The following PIK3C2G variants were observed in gnomAD, a reference collection of about 807,000 sequenced individuals.
The protein encoded by PIK3C2G is phosphatidylinositol 3-kinase C2 domain-containing subunit gamma.
In PIK3C2G, 168 loss-of-function variants were observed where a neutral mutation model predicts 181.1. The ratio of observed to expected loss-of-function variants is 0.93; its 90% CI spans 0.82 to 1.05. PIK3C2G has a LOEUF of 1.05. PIK3C2G is among the 50% of genes least tolerant of loss of function. The pLI is 0.00. For synonymous variants in PIK3C2G, 573 were observed against 592.2 expected, an observed-to-expected ratio of 0.97 and a Z score of 0.47; for missense variants, 1,869 against 1,732.8, an observed-to-expected ratio of 1.08 and a Z score of -1.40.
the PIK3C2G span, among the ~76,000 whole-genome samples, chr12:18,697,270 T>A: frequency 6.6e-6 from 1 of 152,122 alleles, no homozygotes; most frequent in Non-Finnish European, 1.5e-5. Flanking sequence ...GGAAGCATTG[T>A]CAAATTAAAA....
intron 18 of PIK3C2G, among the ~76,000 whole-genome samples, chr12:18,444,280 C>T (rs4764406): frequency 0.26 from 39,912 of 151,976 alleles, 5,803 homozygotes; most frequent in African/African-American, 0.36. Flanking sequence ...GAAGTCTCAC[C>T]TGAACAACTC....
intron 24 of PIK3C2G, among the ~76,000 whole-genome samples, chr12:18,508,603 G>C (rs1174865647): frequency 6.6e-6 from 1 of 152,138 alleles, no homozygotes; most frequent in Admixed American, 6.6e-5. Flanking sequence ...CCCACACCTA[G>C]TTTCTGTACA....
chr12:18,453,313 T>G (rs1446856194), intron 18 of PIK3C2G, among the ~76,000 whole-genome samples: 1 of 152,196 alleles, frequency 6.6e-6, no homozygotes, highest in Non-Finnish European at 1.5e-5. Context: ...TGTAATGCTC[T>G]TCTTTGTCGT....
At chr12:18,643,816 C>T (rs988887838) in intron 32 of PIK3C2G, among the ~76,000 whole-genome samples, 3 of 151,922 alleles carry the variant, frequency 2.0e-5, no homozygotes, top group Non-Finnish European at 4.4e-5. Context: ...CCACTTCCGC[C>T]GCCTCACTGA....
intron 18 of PIK3C2G, among the ~76,000 whole-genome samples, chr12:18,434,948 T>C (rs780110599): frequency 1.5e-4 from 22 of 151,638 alleles, no homozygotes; most frequent in Admixed American, 4.6e-4. Flanking sequence ...ATTTTACAAA[T>C]AATTCCAAGA....
At chr12:18,382,271 TTA>T (rs1420944986) in intron 14 of PIK3C2G, among the ~76,000 whole-genome samples, 1 of 152,194 alleles carries the variant, frequency 6.6e-6, no homozygotes, top group Non-Finnish European at 1.5e-5. Context: ...ATCTCTTCTG[TTA>T]TATGTTTCTT....
At chr12:18,327,542 G>T (rs1236606849) in intron 8 of PIK3C2G, among the ~76,000 whole-genome samples, 2 of 151,748 alleles carry the variant, frequency 1.3e-5, no homozygotes, top group African/African-American at 4.8e-5. Context: ...ACAATTTTAG[G>T]CCAGGCATTC....
chr12:18,706,213 C>A, the PIK3C2G span, among the ~76,000 whole-genome samples: 3 of 147,928 alleles, frequency 2.0e-5, no homozygotes, highest in African/African-American at 7.5e-5. Context: ...GCCTGGGTGA[C>A]GGAATGAGAC....
At chr12:18,422,103 C>T (rs1945519110) in intron 17 of PIK3C2G, among the ~76,000 whole-genome samples, 1 of 152,032 alleles carries the variant, frequency 6.6e-6, no homozygotes, top group Admixed American at 6.6e-5. Flanking sequence ...ACATTAAACT[C>T]ATTTGAAAGT....
chr12:18,667,356 G>C, the PIK3C2G span, among the ~76,000 whole-genome samples: 1 of 152,160 alleles, frequency 6.6e-6, no homozygotes, highest in African/African-American at 2.4e-5. Flanking sequence ...ACTTTTAACT[G>C]TTATAAACTG....
At position 18,313,817 on chromosome 12, in the gene PIK3C2G, CA is replaced by C. The variant is rs764919558; in HGVS notation, c.1035-144del. 1.0e-3 allele frequency: 544 copies of C among 533,218 alleles called. 5 individuals are homozygous for C. In the Middle Eastern group the frequency reaches 0.011, roughly 11 times the overall value. The allele number at this position is 533,218 out of a possible 1,614,324, so 33.0% of individuals were successfully genotyped here. A position where few individuals can be genotyped will look rare whatever the true frequency, so the allele number is the denominator to read the frequency against. Reference sequence around the variant, plus strand: ...ATGCATATATATTCACACACACACACACACACACACACGCACACACACGCAC... The same window carrying C: ...ATGCATATATATTCACACACACACACCACACACACACGCACACACACGCAC... On this transcript the variant is annotated intron_variant, in intron 5 of 32. Transcript: ENST00000538779.
the PIK3C2G span, among the ~76,000 whole-genome samples, chr12:18,709,050 G>A: frequency 2.6e-5 from 4 of 152,006 alleles, no homozygotes; most frequent in Non-Finnish European, 4.4e-5. Flanking sequence ...TTGCTTTTGT[G>A]ATCTGAGCTT....
At chr12:18,440,270 A>G (rs1017562662) in intron 18 of PIK3C2G, among the ~76,000 whole-genome samples, 5 of 152,110 alleles carry the variant, frequency 3.3e-5, no homozygotes, top group African/African-American at 9.7e-5. Flanking sequence ...CACCAAAAAA[A>G]AAATATTTAT....
chr12:18,566,681 T>TAA (rs1945652027), intron 28 of PIK3C2G, among the ~76,000 whole-genome samples: 4 of 152,164 alleles, frequency 2.6e-5, no homozygotes, highest in Admixed American at 6.5e-5. Context: ...ATGTGTGGTC[T>TAA]GCCATAAATA....
Position 18,394,561 on chromosome 12 carries a change from T to C in PIK3C2G, c.2126+3309T>C, listed in dbSNP as rs916437817. Among the ~76,000 whole-genome samples, 33 of 152,080 alleles carry C rather than the reference T, an allele frequency of 2.2e-4. 1 individual carries two copies. The highest frequency in any genetic ancestry group is 8.5e-4 in the Admixed American group (13 of 15,260). ...AATACAGCTATTATAAAGATATTTA[T>C]TGATTTTTTAAAAAGATGTATATGA... is the stretch of plus-strand genomic sequence containing the variant. On this transcript the variant is annotated intron_variant, in intron 15 of 32. Transcript: ENST00000538779.
intron 4 of PIK3C2G, among the ~76,000 whole-genome samples, chr12:18,293,363 C>T (rs1003170727): frequency 6.6e-6 from 1 of 152,086 alleles, no homozygotes; most frequent in Non-Finnish European, 1.5e-5. Flanking sequence ...ATAAGAACAT[C>T]TTAATGATCA....
intron 6 of PIK3C2G, among the ~76,000 whole-genome samples, chr12:18,319,235 A>G (rs1951001036): frequency 6.6e-6 from 1 of 152,170 alleles, no homozygotes; most frequent in Non-Finnish European, 1.5e-5. Flanking sequence ...AATTTGGTCA[A>G]AAGTATGCCA....
At chr12:18,410,539 C>T (rs1462313609) in intron 16 of PIK3C2G, among the ~76,000 whole-genome samples, 2 of 149,408 alleles carry the variant, frequency 1.3e-5, no homozygotes, top group African/African-American at 4.9e-5. Context: ...GATTATTTTT[C>T]AGATTAGGAT....
At chr12:18,639,852 G>C (rs1949767891) in intron 31 of PIK3C2G, among the ~76,000 whole-genome samples, 1 of 151,824 alleles carries the variant, frequency 6.6e-6, no homozygotes, top group African/African-American at 2.4e-5. Context: ...ATTTAAAAGG[G>C]ATTATCCAAC....
Sources: allele counts gnomAD v4.1 joint callset (sites outside exome capture counted in the v4.1 genomes callset), GRCh38; gene constraint gnomAD v4.1.1; transcripts MANE v1.5; gene names NCBI Gene and HGNC (gene_info 2026-07-23, HGNC 2026-07-21).